Variants in RIMS1 observed in about 807,000 individuals in gnomAD.
RIMS1 encodes regulating synaptic membrane exocytosis 1.
In RIMS1, 83 loss-of-function variants were observed where a neutral mutation model predicts 214.1. The observed-to-expected ratio is 0.39, with a 90% CI of 0.32 to 0.47. The LOEUF (loss-of-function observed/expected upper bound fraction) is 0.47, where lower values mean the gene tolerates loss of function less well. Ranked by LOEUF, RIMS1 falls within the 20% of genes least tolerant of loss-of-function variation. RIMS1 has a pLI of 0.99. For synonymous variants in RIMS1, 793 were observed against 786.8 expected (o/e 1.01, Z -0.13); for missense variants, 2,050 against 2,161.8 (o/e 0.95, Z 1.03).
Position 71,886,863 on chromosome 6 carries a change from C to A in RIMS1, c.-161C>A. ...TGAAAGACTGGGTTCTCGCTCTCCC[C>A]GGCTCTGCTGCTGCTGCTGCTGCCG... is the stretch of plus-strand genomic sequence containing the variant. On this transcript the variant is annotated 5_prime_UTR_variant, in exon 1 of 34. Transcript: ENST00000521978. The A allele has an allele frequency of 1.4e-6, 1 of 716,996 alleles. No individual in the cohort carries two copies. The highest frequency in any genetic ancestry group is 1.8e-5 in the African/African-American group (1 of 56,280). 44.4% of individuals were successfully genotyped at this position (716,996 alleles called of 1,614,324 possible).
chr6:72,076,690 A>T (rs1010326), intron 2 of RIMS1, among the ~76,000 whole-genome samples: 32,893 of 152,100 alleles, frequency 0.22, 4,260 homozygotes, highest in East Asian at 0.32. Flanking sequence ...AGAGACTTCC[A>T]GGGATGATGC....
intron 15 of RIMS1, 35 bp from the exon 16 acceptor site, chr6:72,252,726 A>T (rs575795491): frequency 6.5e-7 from 1 of 1,532,582 alleles, no homozygotes; most frequent in East Asian, 2.4e-5. Context: ...AACCAACCAG[A>T]CACAGAAGTA....
At chr6:72,176,359 A>C (rs2047707471) in intron 4 of RIMS1, among the ~76,000 whole-genome samples, 3 of 152,212 alleles carry the variant, frequency 2.0e-5, no homozygotes, top group African/African-American at 4.8e-5. Flanking sequence ...AGGCAAATAT[A>C]ATACTTAATA....
At chr6:72,265,623 G>A (rs2080180541) in intron 21 of RIMS1, 120 bp downstream of exon 21, 1 of 595,708 alleles carries the variant, frequency 1.7e-6, no homozygotes, top group Non-Finnish European at 2.9e-6. Context: ...TGTGGCATCT[G>A]TTCCTGGTAA....
Position 71,886,896 on chromosome 6 carries a change from CGCT to C in RIMS1, c.-124_-122del. On this transcript the variant is annotated 5_prime_UTR_variant, in exon 1 of 34. Transcript: ENST00000521978. Reference sequence around the variant, plus strand: ...CTGCTGCTGCTGCTGCCGCCGCCGCCGCTGCTCCTCCTCCTGCCGCCGCCGCTA... The same window carrying C: ...CTGCTGCTGCTGCTGCCGCCGCCGCCGCTCCTCCTCCTGCCGCCGCCGCTA... The C allele has an allele frequency of 2.9e-6, 3 of 1,024,316 alleles. No individual in the cohort carries two copies. The highest frequency in any genetic ancestry group is 4.3e-6 in the Non-Finnish European group (3 of 698,614). The allele number at this position is 1,024,316 out of a possible 1,614,324, so 63.5% of individuals were successfully genotyped here. A position where few individuals can be genotyped will look rare whatever the true frequency, so the allele number is the denominator to read the frequency against.
At chr6:72,356,356 G>A (rs558672831) in intron 29 of RIMS1, among the ~76,000 whole-genome samples, 2 of 152,058 alleles carry the variant, frequency 1.3e-5, no homozygotes, top group East Asian at 1.9e-4. Flanking sequence ...CCACTGAAAG[G>A]CCTCTAATGG....
chr6:72,235,063 C>A, intron 7 of RIMS1, among the ~76,000 whole-genome samples: 1 of 151,892 alleles, frequency 6.6e-6, no homozygotes, highest in Non-Finnish European at 1.5e-5. Flanking sequence ...TTCCTATTCT[C>A]TTTTATTTTA....
chr6:72,249,364 G>T (rs546453137), intron 12 of RIMS1, among the ~76,000 whole-genome samples: 12 of 152,162 alleles, frequency 7.9e-5, no homozygotes, highest in African/African-American at 2.9e-4. Context: ...TTATTCTTTG[G>T]TCTACTGTCA....
chr6:72,283,937 T>C (rs970953959), intron 23 of RIMS1, 110 bp from the exon 24 acceptor site: 2 of 753,280 alleles, frequency 2.7e-6, no homozygotes, highest in Non-Finnish European at 4.5e-6. Flanking sequence ...ACTGACAAAA[T>C]CATTTAGGTA....
At chr6:72,334,061 A>T (rs1461310821) in intron 29 of RIMS1, among the ~76,000 whole-genome samples, 1 of 151,870 alleles carries the variant, frequency 6.6e-6, no homozygotes, top group Non-Finnish European at 1.5e-5. Flanking sequence ...CAGATTTTTT[A>T]ATTAAAAAAA....
At chr6:72,124,992 A>T (rs1456924712) in intron 4 of RIMS1, among the ~76,000 whole-genome samples, 1 of 152,154 alleles carries the variant, frequency 6.6e-6, no homozygotes, top group Non-Finnish European at 1.5e-5. Context: ...AACTCGTCAA[A>T]GTCATTCTCT....
At chr6:72,215,257 G>C (rs1236078845) in intron 6 of RIMS1, among the ~76,000 whole-genome samples, 1 of 152,126 alleles carries the variant, frequency 6.6e-6, no homozygotes, top group Non-Finnish European at 1.5e-5. Flanking sequence ...AGCCCCAATA[G>C]CTGCTCCGGA....
Position 72,183,035 on chromosome 6 carries a change from G to T in RIMS1, c.1564G>T (p.Gly522Cys). 6.2e-7 allele frequency: 1 copy of T among 1,601,050 alleles called. No homozygotes were observed. The highest frequency in any genetic ancestry group is 2.3e-5 in the East Asian group (1 of 44,338). ...GCCCAAGCCGCACCGGTCCAAGAGA[G>T]GCGGCAAGAAGCGGCAGATGTCGGT... ...SPPKPHRSKR[G>C]GKKRQMSVSS... The change falls in exon 6 of 34, where the codon GGC (glycine) becomes TGC (cysteine). Residue 522 changes from glycine (G) to cysteine (C), a missense_variant. Physicochemically the swap from Gly to Cys is radical, Grantham distance 159. Coordinates refer to ENST00000521978, the MANE Select transcript of RIMS1 (RefSeq NM_014989.7).
chr6:72,019,482 G>T (rs1048386787), intron 2 of RIMS1, among the ~76,000 whole-genome samples: 5 of 152,122 alleles, frequency 3.3e-5, no homozygotes, highest in African/African-American at 7.2e-5. Flanking sequence ...AAAAACCTTT[G>T]CAGGTGTTAT....
intron 4 of RIMS1, among the ~76,000 whole-genome samples, chr6:72,101,874 T>G (rs2033666286): frequency 6.6e-6 from 1 of 151,946 alleles, no homozygotes; most frequent in Non-Finnish European, 1.5e-5. Context: ...ACTTGGAAGA[T>G]TTTGTATTTA....
intron 2 of RIMS1, among the ~76,000 whole-genome samples, chr6:72,027,236 C>G (rs1816782507): frequency 1.3e-5 from 2 of 152,018 alleles, no homozygotes; most frequent in Non-Finnish European, 2.9e-5. Context: ...ATAGATGAAC[C>G]CGGAACCTGA....
At chr6:72,012,855 TAAA>T (rs1199802788) in intron 2 of RIMS1, among the ~76,000 whole-genome samples, 4 of 152,190 alleles carry the variant, frequency 2.6e-5, no homozygotes, top group Non-Finnish European at 5.9e-5. Flanking sequence ...GCTCAGGCAG[TAAA>T]TTAGAGGTGT....
At chr6:71,950,193 T>TG (rs1329162129) in intron 1 of RIMS1, among the ~76,000 whole-genome samples, 1 of 152,114 alleles carries the variant, frequency 6.6e-6, no homozygotes, top group African/African-American at 2.4e-5. Flanking sequence ...TTGATTATCA[T>TG]GGGGTCTAAT....
intron 6 of RIMS1, among the ~76,000 whole-genome samples, chr6:72,198,800 A>G (rs1016661842): frequency 6.6e-6 from 1 of 151,978 alleles, no homozygotes; most frequent in Non-Finnish European, 1.5e-5. Flanking sequence ...ATGTGTTAAT[A>G]AAAATATACA....
Sources: allele counts gnomAD v4.1 joint callset (sites outside exome capture counted in the v4.1 genomes callset), GRCh38; gene constraint gnomAD v4.1.1; transcripts MANE v1.5; gene names NCBI Gene and HGNC (gene_info 2026-07-23, HGNC 2026-07-21).